Variants in VTI1B observed in about 807,000 individuals in gnomAD.
The protein encoded by VTI1B is vesicle transport through interaction with t-SNAREs 1B.
Under a neutral mutation model 28.6 loss-of-function variants are expected in VTI1B, and 18 were observed. That is an observed-to-expected ratio of 0.63 (90% CI 0.43 to 0.93). The LOEUF (loss-of-function observed/expected upper bound fraction) is 0.93, where lower values mean the gene tolerates loss of function less well. Among genes scored for constraint, VTI1B ranks in the 40% least tolerant of loss-of-function variants. VTI1B has a pLI of 0.00. For missense variants in VTI1B, 283 were observed against 297.0 expected, an observed-to-expected ratio of 0.95 and a Z score of 0.35; for synonymous variants, 100 against 107.9, an observed-to-expected ratio of 0.93 and a Z score of 0.46.
intron 1 of VTI1B, chr14:67,662,936 A>G: frequency 7.7e-7 from 1 of 1,300,662 alleles, no homozygotes; most frequent in Non-Finnish European, 9.7e-7. Flanking sequence ...GTTTACCAAT[A>G]GTGACTCTCT....
intron 1 of VTI1B, among the ~76,000 whole-genome samples, chr14:67,665,071 T>A (rs1357704329): frequency 1.3e-5 from 2 of 152,200 alleles, no homozygotes; most frequent in Non-Finnish European, 2.9e-5. Flanking sequence ...TTAACCATGT[T>A]GGCCAGGCTG....
Position 67,647,097 on chromosome 14 carries a change from A to G in VTI1B, c.*4288T>C. 1 of 990,570 alleles carries G rather than the reference A, an allele frequency of 1.0e-6. No homozygotes were observed. The highest frequency in any genetic ancestry group is 1.6e-6 in the Non-Finnish European group (1 of 640,332). 61.4% of individuals were successfully genotyped at this position (990,570 alleles called of 1,614,324 possible). A position where few individuals can be genotyped will look rare whatever the true frequency, so the allele number is the denominator to read the frequency against. Reference sequence around the variant, plus strand: ...CACTTTTAGCCTGTTTCTTGAGGACAGCAGCTTTACTTTTAAAATACAAAG... The same window carrying G: ...CACTTTTAGCCTGTTTCTTGAGGACGGCAGCTTTACTTTTAAAATACAAAG... On this transcript the variant is annotated 3_prime_UTR_variant, in exon 6 of 6. Transcript: ENST00000554659.
Position 67,674,495 on chromosome 14 carries a change from A to T in VTI1B, c.-6T>A. On this transcript the variant is annotated 5_prime_UTR_variant, in exon 1 of 6. Transcript: ENST00000554659. ...GAGGCGGCGGAGGAGGCCATGGCGCAGGCCGCGCTGGAGCAGCGGCCACCG... is the reference window on the plus strand; with the variant it reads ...GAGGCGGCGGAGGAGGCCATGGCGCTGGCCGCGCTGGAGCAGCGGCCACCG... 1 of 1,596,436 alleles carries T rather than the reference A, an allele frequency of 6.3e-7. No individual in the cohort carries two copies. Among genetic ancestry groups the T allele is most frequent in the Non-Finnish European group, 8.5e-7 (1 of 1,173,328 alleles).
In VTI1B at chr14:67,648,094, C is replaced by T. The variant is rs756900951; in HGVS notation, c.*3291G>A. The T allele has an allele frequency of 9.9e-6, 16 of 1,613,722 alleles. No individual in the cohort carries two copies. The highest frequency in any genetic ancestry group is 8.5e-7 in the Non-Finnish European group (1 of 1,179,832). On this transcript the variant is annotated 3_prime_UTR_variant, in exon 6 of 6. Coordinates refer to ENST00000554659, the MANE Select transcript of VTI1B (RefSeq NM_006370.3). ...AGTTTTGATATTGATGCATTTGACC[C>T]TACACTGGCTCCAGCCACAGGAACT...
rs765055450 is a variant in VTI1B at position 67,662,494 on chromosome 14, G to A, written c.157C>T (p.Gln53Ter). The change falls in exon 2 of 6, where the codon CAG (glutamine) becomes TAG (stop). Residue 53 changes from glutamine (Q) to a stop codon, truncating the protein, a stop_gained. Coordinates refer to ENST00000554659, the MANE Select transcript of VTI1B (RefSeq NM_006370.3). LOFTEE classifies it high-confidence loss of function. ...GTTCTCACCGTTTCATTTGCTTCCT[G>A]TTGCTTTTCATCAAAATCCCTGATC... Reference protein sequence around the residue: ...KLIRDFDEKQQEANETLAEME... With the variant: ...KLIRDFDEKQ 1.9e-6 allele frequency: 3 copies of A among 1,611,726 alleles called. No individual in the cohort carries two copies. The highest frequency in any genetic ancestry group is 2.5e-6 in the Non-Finnish European group (3 of 1,179,392).
chr14:67,671,784 C>T (rs2037468028), intron 1 of VTI1B, among the ~76,000 whole-genome samples: 1 of 152,114 alleles, frequency 6.6e-6, no homozygotes, highest in Admixed American at 6.5e-5. Flanking sequence ...ATGGGTCACC[C>T]CATGGCAGAA....
In VTI1B at chr14:67,647,137, T is replaced by A; in HGVS notation, c.*4248A>T. 1.4e-6 allele frequency: 1 copy of A among 713,174 alleles called. No homozygotes were observed. The highest frequency in any genetic ancestry group is 2.3e-6 in the Non-Finnish European group (1 of 432,474). 44.2% of individuals were successfully genotyped at this position (713,174 alleles called of 1,614,324 possible). On this transcript the variant is annotated 3_prime_UTR_variant, in exon 6 of 6. Coordinates refer to ENST00000554659, the MANE Select transcript of VTI1B (RefSeq NM_006370.3). ...AAAATACAAAGCAAAAACATACACA[T>A]AATTTTAAATAGTTCAGAAAGGCAA...
chr14:67,661,269 G>C (rs1440875228), intron 2 of VTI1B, among the ~76,000 whole-genome samples: 1 of 139,426 alleles, frequency 7.2e-6, no homozygotes, highest in Non-Finnish European at 1.5e-5. Context: ...TGCTTCTATA[G>C]GGCTAGAGCA....
rs2037112484 is a variant in VTI1B, at chr14:67,647,226, T to C, written c.*4159A>G. 5 of 476,004 alleles carry C rather than the reference T, an allele frequency of 1.1e-5. No individual in the cohort carries two copies. The South Asian group carries it at 1.9e-4, about 19-fold the overall frequency. 29.5% of individuals were successfully genotyped at this position (476,004 alleles called of 1,614,324 possible). On this transcript the variant is annotated 3_prime_UTR_variant, in exon 6 of 6. Transcript: ENST00000554659. ...TGGGAGGAGGTTTCCTCTAAATCAT[T>C]GCCTAGATCTTCTGTCTCATGAATT...
At chr14:67,663,130 C>T (rs2037360211) in intron 1 of VTI1B, 1 of 1,527,254 alleles carries the variant, frequency 6.5e-7, no homozygotes, top group Non-Finnish European at 8.7e-7. Flanking sequence ...CCCTTTCAGC[C>T]TTTCCCATTC....
intron 1 of VTI1B, among the ~76,000 whole-genome samples, chr14:67,668,741 G>A (rs1252595878): frequency 6.6e-6 from 1 of 152,190 alleles, no homozygotes; most frequent in South Asian, 2.1e-4. Context: ...CTGGAGGGCT[G>A]TGAAAACACA....
At chr14:67,665,321 G>A (rs894742863) in intron 1 of VTI1B, among the ~76,000 whole-genome samples, 4 of 148,164 alleles carry the variant, frequency 2.7e-5, no homozygotes, top group African/African-American at 1.0e-4. Flanking sequence ...CATGATTACG[G>A]CTCACTGCAG....
At chr14:67,661,713 G>A (rs1240458410) in intron 2 of VTI1B, among the ~76,000 whole-genome samples, 1 of 147,724 alleles carries the variant, frequency 6.8e-6, no homozygotes, top group African/African-American at 2.5e-5. Flanking sequence ...TTTTTGTTTG[G>A]TAGAGATGGG....
At position 67,648,828 on chromosome 14, in the gene VTI1B, C is replaced by T. The variant is rs909723375; in HGVS notation, c.*2557G>A. On this transcript the variant is annotated 3_prime_UTR_variant, in exon 6 of 6. Transcript: ENST00000554659. Reference sequence around the variant, plus strand: ...CTGGTTTTAAAGCTACTTCAAATGACCTTTCATTCCAAAATTTAAAGAACT... The same window carrying T: ...CTGGTTTTAAAGCTACTTCAAATGATCTTTCATTCCAAAATTTAAAGAACT... The T allele has an allele frequency of 6.6e-6, 1 of 152,178 alleles. No homozygotes were observed. The highest frequency in any genetic ancestry group is 1.5e-5 in the Non-Finnish European group (1 of 68,030). 9.4% of individuals were successfully genotyped at this position (152,178 alleles called of 1,614,324 possible).
intron 1 of VTI1B, among the ~76,000 whole-genome samples, chr14:67,665,301 A>G (rs951870479): frequency 1.4e-4 from 18 of 129,526 alleles, no homozygotes; most frequent in Non-Finnish European, 1.9e-4. Context: ...CTCAGGCTGG[A>G]GTGAAGTGGC....
intron 1 of VTI1B, among the ~76,000 whole-genome samples, chr14:67,666,304 A>G (rs2037401544): frequency 6.6e-6 from 1 of 152,234 alleles, no homozygotes; most frequent in African/African-American, 2.4e-5. Flanking sequence ...TGATTCCAGG[A>G]ATGTAACTAC....
chr14:67,671,251 C>T (rs918869300), intron 1 of VTI1B, among the ~76,000 whole-genome samples: 4 of 152,068 alleles, frequency 2.6e-5, no homozygotes, highest in African/African-American at 4.8e-5. Context: ...TGTGGTTGGG[C>T]GCAGTGGCTC....
chr14:67,651,953 TTAAAAATTTTCCTATCTGTTGTTTACA>T (rs2037185424), intron 5 of VTI1B, among the ~76,000 whole-genome samples: 2 of 152,224 alleles, frequency 1.3e-5, no homozygotes, highest in South Asian at 4.1e-4. Flanking sequence ...GTATAGGAGC[TTAAAAATTTTCCTATCTGTTGTTTACA>T]TAAAGAATCC....
At chr14:67,663,879 T>C (rs2140834121) in intron 1 of VTI1B, among the ~76,000 whole-genome samples, 1 of 152,220 alleles carries the variant, frequency 6.6e-6, no homozygotes, top group Admixed American at 6.5e-5. Context: ...ACTTAGATAA[T>C]TTCCTTCATT....
Sources: allele counts gnomAD v4.1 joint callset (sites outside exome capture counted in the v4.1 genomes callset), GRCh38; gene constraint gnomAD v4.1.1; transcripts MANE v1.5; gene names NCBI Gene and HGNC (gene_info 2026-07-23, HGNC 2026-07-21).